Variants in NBDY observed in about 807,000 individuals in gnomAD.
NBDY encodes the protein P-body dissociating protein.
At chrX:56,755,330 A>T (rs1222234687) in intron 2 of NBDY, among the ~76,000 whole-genome samples, 2 of 112,455 alleles carry the variant, frequency 1.8e-5, no homozygotes, top group Non-Finnish European at 3.8e-5. Context: ...CAGCAAAAGA[A>T]ACTACCATCA....
At position 56,732,070 on chromosome X, in the gene NBDY, G is replaced by A; in HGVS notation, c.*37G>A. 2 of 296,698 alleles carry A rather than the reference G, an allele frequency of 6.7e-6. No homozygotes were observed. 24.5% of individuals were successfully genotyped at this position (296,698 alleles called of 1,213,427 possible). Reference sequence around the variant, plus strand: ...TTTTTTACTATTTTTCAGTCTTTGAGTGATTGCAGTATGACTCCATTTCCC... The same window carrying A: ...TTTTTTACTATTTTTCAGTCTTTGAATGATTGCAGTATGACTCCATTTCCC... On this transcript the variant is annotated 3_prime_UTR_variant, in exon 2 of 3. Coordinates refer to ENST00000374922, the MANE Select transcript of NBDY (RefSeq NM_001348129.2).
At chrX:56,783,652 C>T (rs1220353291) in intron 2 of NBDY, among the ~76,000 whole-genome samples, 1 of 112,072 alleles carries the variant, frequency 8.9e-6, no homozygotes, top group Non-Finnish European at 1.9e-5. Flanking sequence ...CACCCAGTCC[C>T]GCACATTTTC....
intron 2 of NBDY, among the ~76,000 whole-genome samples, chrX:56,760,080 G>C (rs779055181): frequency 8.9e-6 from 1 of 112,621 alleles, no homozygotes; most frequent in Non-Finnish European, 1.9e-5. Context: ...AGGCTGCCGG[G>C]TTGTTCTGTC....
At chrX:56,757,078 C>G (rs1198897938) in intron 2 of NBDY, among the ~76,000 whole-genome samples, 1 of 112,302 alleles carries the variant, frequency 8.9e-6, no homozygotes, top group Non-Finnish European at 1.9e-5. Flanking sequence ...TATTGACTGG[C>G]TTTTGATAAG....
intron 2 of NBDY, among the ~76,000 whole-genome samples, chrX:56,753,967 C>G (rs1302910561): frequency 1.8e-5 from 2 of 110,857 alleles, no homozygotes. Flanking sequence ...GGAATTTGAG[C>G]TGTGATGAGT....
At chrX:56,733,388 T>C (rs1440308807) in intron 2 of NBDY, among the ~76,000 whole-genome samples, 2 of 111,451 alleles carry the variant, frequency 1.8e-5, no homozygotes, top group Non-Finnish European at 3.8e-5. Flanking sequence ...TGAACAATCA[T>C]ATAAAAGGAA....
At chrX:56,735,803 C>T (rs2069485893) in intron 2 of NBDY, among the ~76,000 whole-genome samples, 1 of 111,431 alleles carries the variant, frequency 9.0e-6, no homozygotes, top group Non-Finnish European at 1.9e-5. Context: ...TTTTCTGCCT[C>T]CTTCTGCGAA....
chrX:56,746,166 A>C (rs767189104), intron 2 of NBDY, among the ~76,000 whole-genome samples: 1 of 111,684 alleles, frequency 9.0e-6, no homozygotes, highest in Non-Finnish European at 1.9e-5. Flanking sequence ...GTGTATTCAC[A>C]AACTTTCACA....
chrX:56,816,840 A>G (rs1181410790), intron 2 of NBDY, among the ~76,000 whole-genome samples: 2 of 111,322 alleles, frequency 1.8e-5, no homozygotes, highest in Non-Finnish European at 3.8e-5. Flanking sequence ...AATTATGTCT[A>G]TGTTGTTTGA....
chrX:56,737,280 G>A (rs753164791), intron 2 of NBDY: 36 of 1,055,975 alleles, frequency 3.4e-5, no homozygotes, highest in African/African-American at 9.3e-5. Context: ...TTTCTTTCCC[G>A]AATAACCTCT....
intron 2 of NBDY, among the ~76,000 whole-genome samples, chrX:56,805,446 G>A (rs12014622): frequency 0.13 from 14,522 of 111,842 alleles, 1,974 homozygotes; most frequent in African/African-American, 0.41. Context: ...GGCACCTCCC[G>A]TAAAACCTGG....
chrX:56,750,311 C>T (rs1277016200), intron 2 of NBDY, among the ~76,000 whole-genome samples: 2 of 111,225 alleles, frequency 1.8e-5, no homozygotes, highest in African/African-American at 3.3e-5. Context: ...CAACATTCTT[C>T]TCTTCTAGTT....
intron 2 of NBDY, among the ~76,000 whole-genome samples, chrX:56,785,940 G>A (rs1423514053): frequency 9.0e-6 from 1 of 111,076 alleles, no homozygotes; most frequent in Non-Finnish European, 1.9e-5. Context: ...GGGTTGACTG[G>A]TTGCGGGGAC....
intron 2 of NBDY, among the ~76,000 whole-genome samples, chrX:56,762,882 G>GACACACACAA (rs1168365547): frequency 9.0e-6 from 1 of 111,414 alleles, no homozygotes; most frequent in East Asian, 2.8e-4. Flanking sequence ...GACACATGCA[G>GACACACACAA]ACACACACAA....
chrX:56,796,305 G>C (rs1254002964), intron 2 of NBDY, among the ~76,000 whole-genome samples: 1 of 112,126 alleles, frequency 8.9e-6, no homozygotes, highest in Non-Finnish European at 1.9e-5. Context: ...CACTTGGGCT[G>C]CCAGCTGCCC....
rs777723626 is a variant in NBDY at position 56,795,377 on chromosome X, G to A, written c.*167-21943G>A. Among the ~76,000 whole-genome samples the A allele has an allele frequency of 2.7e-5, 3 of 112,004 alleles. No individual in the cohort carries two copies. The South Asian group carries it at 1.1e-3, about 42-fold the overall frequency. On this transcript the variant is annotated intron_variant, in intron 2 of 2. Transcript: ENST00000374922. ...TCTCCAGGCAGACATAAGAAAGCCT[G>A]ACGTGGTCCATCATACAAAGCCCAT... is the stretch of plus-strand genomic sequence containing the variant.
At chrX:56,751,295 A>AT (rs1038813841) in intron 2 of NBDY, among the ~76,000 whole-genome samples, 2 of 110,718 alleles carry the variant, frequency 1.8e-5, no homozygotes, top group Admixed American at 9.6e-5. Context: ...TAGCCTCAAT[A>AT]TTTTTTTTCC....
At chrX:56,734,963 A>C (rs1439103598) in intron 2 of NBDY, among the ~76,000 whole-genome samples, 12 of 112,122 alleles carry the variant, frequency 1.1e-4, no homozygotes, top group Non-Finnish European at 1.9e-5. Context: ...CGGAGAGGTT[A>C]AATTGTATTC....
chrX:56,784,477 G>A, intron 2 of NBDY, among the ~76,000 whole-genome samples: 1 of 111,929 alleles, frequency 8.9e-6, no homozygotes. Flanking sequence ...AAAGCCACTT[G>A]TTATGTCTGA....
Sources: gnomAD v4.1 joint callset for allele counts (sites outside exome capture counted in the v4.1 genomes callset) on GRCh38, gnomAD v4.1.1 for gene constraint, MANE v1.5 for transcripts, NCBI Gene and HGNC (gene_info 2026-07-23, HGNC 2026-07-21) for gene names.